The following HECTD4 variants were observed in gnomAD, a reference collection of about 807,000 sequenced individuals.
The protein encoded by HECTD4 is HECT domain E3 ubiquitin protein ligase 4.
Under a neutral mutation model 471.5 loss-of-function variants are expected in HECTD4, and 114 were observed. The ratio of observed to expected loss-of-function variants is 0.24; its 90% CI spans 0.21 to 0.28. The LOEUF (loss-of-function observed/expected upper bound fraction) is 0.28, where lower values mean the gene tolerates loss of function less well. Ranked by LOEUF, HECTD4 falls within the 10% of genes least tolerant of loss-of-function variation. The probability of loss-of-function intolerance (pLI) is 1.00; values close to 1 mark genes in which losing one functional copy is unlikely to be tolerated. For synonymous variants in HECTD4, 2,012 were observed against 2,256.0 expected (o/e 0.89, Z 3.07); for missense variants, 3,866 against 5,651.5 (o/e 0.68, Z 10.13).
intron 1 of HECTD4, among the ~76,000 whole-genome samples, chr12:112,375,479 TAAGA>T (rs2036759184): frequency 1.3e-5 from 2 of 152,112 alleles, no homozygotes; most frequent in Admixed American, 1.3e-4. Context: ...AACTGTGGAG[TAAGA>T]AATATCTTAG....
At position 112,324,044 on chromosome 12, in the gene HECTD4, T is replaced by C. The variant is rs866541343; in HGVS notation, c.178-4302A>G. ...TTCCTTCCTTCCTTCCTTCCTTCCTTCCTTTCTTTCTTTCTTTCTTTCTTT... is the reference window on the plus strand; with the variant it reads ...TTCCTTCCTTCCTTCCTTCCTTCCTCCCTTTCTTTCTTTCTTTCTTTCTTT... On this transcript the variant is annotated intron_variant, in intron 1 of 75. Transcript: ENST00000682272. Among the ~76,000 whole-genome samples, 103 of 59,878 alleles carry C rather than the reference T, an allele frequency of 1.7e-3. 2 individuals carry two copies. Among genetic ancestry groups the C allele is most frequent in the African/African-American group, 0.013 (95 of 7,238 alleles). The allele number at this position is 59,878 out of a possible 152,430, so 39.3% of individuals were successfully genotyped here.
intron 1 of HECTD4, among the ~76,000 whole-genome samples, chr12:112,320,824 C>T (rs1439484374): frequency 6.6e-6 from 1 of 152,048 alleles, no homozygotes; most frequent in Admixed American, 6.6e-5. Flanking sequence ...ATGGATTATT[C>T]ACGGTTCTTT....
At chr12:112,372,082 T>C (rs1198676862) in intron 1 of HECTD4, among the ~76,000 whole-genome samples, 1 of 150,832 alleles carries the variant, frequency 6.6e-6, no homozygotes, top group Non-Finnish European at 1.5e-5. Flanking sequence ...AGAGAGTCAA[T>C]ACACTTTAAA....
At chr12:112,277,307 T>C (rs1392268252) in intron 9 of HECTD4, among the ~76,000 whole-genome samples, 2 of 152,320 alleles carry the variant, frequency 1.3e-5, no homozygotes, top group South Asian at 2.1e-4. Context: ...GAAAACATTA[T>C]GTTAAGTTTA....
Position 112,239,036 on chromosome 12 carries a change from G to C in HECTD4, c.5290+16C>G. The C allele has an allele frequency of 6.2e-7, 1 of 1,601,782 alleles. No homozygotes were observed. The highest frequency in any genetic ancestry group is 8.5e-7 in the Non-Finnish European group (1 of 1,174,356). On this transcript the variant is annotated intron_variant, in intron 34 of 75. Coordinates refer to ENST00000682272, the MANE Select transcript of HECTD4 (RefSeq NM_001388303.1). The surrounding 1 kb of genome is among the most constrained non-coding windows in gnomAD (Gnocchi z 4.9). ...GAAGAAATCAGTGAGCTCTAGAAAG[G>C]AGTCTGGCATCTCACCTTCCTCTTT...
At position 112,219,622 on chromosome 12, in the gene HECTD4, CAG is replaced by C. The variant is rs1201805309; in HGVS notation, c.6971-135_6971-134del. On this transcript the variant is annotated intron_variant, in intron 44 of 75. Coordinates refer to ENST00000682272, the MANE Select transcript of HECTD4 (RefSeq NM_001388303.1). ...ATTGAATTTTTTTTTTTTTTTGAGA[CAG>C]AGTTTCGTTCTATTGCCCAGGCTGG... 1.6e-5 allele frequency: 9 copies of C among 571,300 alleles called. No homozygotes were observed. The Admixed American group carries it at 1.6e-4, about 10-fold the overall frequency. 35.4% of individuals were successfully genotyped at this position (571,300 alleles called of 1,614,324 possible).
intron 1 of HECTD4, among the ~76,000 whole-genome samples, chr12:112,358,465 C>CA (rs573885523): frequency 3.6e-4 from 54 of 151,478 alleles, no homozygotes; most frequent in Non-Finnish European, 5.7e-4. Flanking sequence ...GAAAAAAAAT[C>CA]AAAAAAAGCA....
At chr12:112,219,328 C>G (rs898311048) in intron 45 of HECTD4, 58 bp downstream of exon 45, 1 of 1,258,710 alleles carries the variant, frequency 7.9e-7, no homozygotes, top group African/African-American at 1.5e-5. Context: ...TGCTGCTGGC[C>G]TTACTCAGTG....
chr12:112,167,238 G>C (rs534300796), intron 72 of HECTD4, 79 bp downstream of exon 72: 3 of 1,264,050 alleles, frequency 2.4e-6, no homozygotes, highest in Non-Finnish European at 3.3e-6. Context: ...CGGGGAGCTC[G>C]GGTCTGCATG....
At position 112,283,128 on chromosome 12, in the gene HECTD4, G is replaced by T. The variant is rs1449167961; in HGVS notation, c.1510C>A (p.Leu504Met). 1 of 1,612,984 alleles carries T rather than the reference G, an allele frequency of 6.2e-7. No homozygotes were observed. The highest frequency in any genetic ancestry group is 8.5e-7 in the Non-Finnish European group (1 of 1,179,546). ...ALTGSTISNT[L>M]KEDQAANTSC... is the part of the protein sequence containing the mutation. ...AACATACCTGCTTGATCCTCTTTCAGTGTGTTGGAGATGGTGGAACCAGTC... is the reference window on the plus strand; with the variant it reads ...AACATACCTGCTTGATCCTCTTTCATTGTGTTGGAGATGGTGGAACCAGTC... Residue 504 changes from leucine to methionine, a missense_variant, in exon 8 of 76, where the codon CTG becomes ATG. By Grantham distance (15) the Leu-to-Met change is conservative (BLOSUM62 2). Transcript: ENST00000682272.
rs1750520723 is a variant in HECTD4, at chr12:112,184,960, A to C, written c.10006T>G (p.Ser3336Ala). Residue 3336 changes from serine (S) to alanine (A), a missense_variant, in exon 61 of 76, where the codon TCG becomes GCG. Ser to Ala is a moderately conservative substitution (Grantham distance 99). Transcript: ENST00000682272. This position sits in a 1 kb window ranked among gnomAD's most constrained non-coding sequence, Gnocchi z 9.1. Reference protein sequence around the residue: ...GKRQSSRTVDSDPTVLSIGGS... With the variant: ...GKRQSSRTVDADPTVLSIGGS... The stretch of plus-strand genomic sequence containing the variant: ...CCGATGCTGAGCACGGTGGGGTCCG[A>C]GTCCACGGTGCGGGAAGACTGGCGC... The C allele has an allele frequency of 6.2e-7, 1 of 1,613,526 alleles. No homozygotes were observed. The highest frequency in any genetic ancestry group is 8.5e-7 in the Non-Finnish European group (1 of 1,179,832).
chr12:112,272,238 TG>T (rs1286987983), intron 11 of HECTD4, among the ~76,000 whole-genome samples: 1 of 152,116 alleles, frequency 6.6e-6, no homozygotes, highest in Non-Finnish European at 1.5e-5. Context: ...TTAGTAGAGA[TG>T]GGGTTTCCCC....
intron 60 of HECTD4, among the ~76,000 whole-genome samples, chr12:112,189,550 CAAAAAAAA>C (rs57209316): frequency 0.048 from 1,462 of 30,432 alleles, 33 homozygotes; most frequent in African/African-American, 0.15. Context: ...GACTCCGTCT[CAAAAAAAA>C]AAAAAAAAAA....
chr12:112,302,194 G>A (rs1333527579), intron 7 of HECTD4: 22 of 1,270,278 alleles, frequency 1.7e-5, no homozygotes, highest in Admixed American at 5.6e-5. Context: ...AATCCACATC[G>A]TGTGCAATCA....
At chr12:112,273,470 T>C (rs546742300) in intron 11 of HECTD4, among the ~76,000 whole-genome samples, 185 bp downstream of exon 11, 15 of 152,300 alleles carry the variant, frequency 9.8e-5, no homozygotes, top group African/African-American at 3.4e-4. Context: ...TACATACTTA[T>C]TTACTTAATC....
chr12:112,250,244 T>C lies in HECTD4; in HGVS notation c.3850A>G (p.Asn1284Asp), dbSNP rs766814125. The part of the protein sequence containing the change: ...PSDVLVPPVG[N>D]YFDLPRIRLP... ...CTGATCCGAGGCAGATCAAAGTAGT[T>C]TCCAACAGGAGGCACGAGGACATCA... is the stretch of plus-strand genomic sequence containing the variant. The change falls in exon 25 of 76, where the codon AAC becomes GAC. Residue 1284 changes from asparagine (N) to aspartate (D), a missense_variant. Transcript: ENST00000682272. 1 of 1,613,952 alleles carries C rather than the reference T, an allele frequency of 6.2e-7. No individual in the cohort carries two copies. Among genetic ancestry groups the C allele is most frequent in the African/African-American group, 1.3e-5 (1 of 75,022 alleles).
At chr12:112,380,397 A>G (rs1176958730) in intron 1 of HECTD4, among the ~76,000 whole-genome samples, 1 of 151,914 alleles carries the variant, frequency 6.6e-6, no homozygotes, top group African/African-American at 2.4e-5. Context: ...GTGGGCTGAG[A>G]TCGCGCCACT....
At position 112,194,983 on chromosome 12, in the gene HECTD4, T is replaced by C. The variant is rs754157487; in HGVS notation, c.8651A>G (p.His2884Arg). Residue 2884 changes from histidine (H) to arginine (R), a missense_variant, in exon 56 of 76, where the codon CAC becomes CGC. Coordinates refer to ENST00000682272, the MANE Select transcript of HECTD4 (RefSeq NM_001388303.1). This position sits in a 1 kb window ranked among gnomAD's most constrained non-coding sequence, Gnocchi z 4.6. Reference sequence around the variant, plus strand: ...GATGTGGAAGAGGCGAGTGAACAAGTGAGGCAACTTCGGGGCGAAGATATT... The same window carrying C: ...GATGTGGAAGAGGCGAGTGAACAAGCGAGGCAACTTCGGGGCGAAGATATT... ...LLNIFAPKLP[H>R]LFTRLFHIPA... is the part of the protein sequence containing the mutation. 6.2e-7 allele frequency: 1 copy of C among 1,611,458 alleles called. No homozygotes were observed. Among genetic ancestry groups the C allele is most frequent in the Non-Finnish European group, 8.5e-7 (1 of 1,178,946 alleles).
chr12:112,206,518 T>C (rs1018526149), intron 52 of HECTD4, among the ~76,000 whole-genome samples: 6 of 148,760 alleles, frequency 4.0e-5, no homozygotes, highest in East Asian at 4.0e-4. Flanking sequence ...AAAAAGTGGG[T>C]GTTGATAGAA....
Sources: gnomAD v4.1 joint callset for allele counts (sites outside exome capture counted in the v4.1 genomes callset) on GRCh38, gnomAD v4.1.1 for gene constraint, Gnocchi (gnomAD v3.1) non-coding constraint, MANE v1.5 for transcripts, NCBI Gene and HGNC (gene_info 2026-07-23, HGNC 2026-07-21) for gene names.